Variants in CCDC150 observed in about 807,000 individuals in gnomAD.
The protein encoded by CCDC150 is coiled-coil domain-containing protein 150.
Under a neutral mutation model 156.5 loss-of-function variants are expected in CCDC150, and 151 were observed. That is an observed-to-expected ratio of 0.97 (90% CI 0.85 to 1.10). The LOEUF (loss-of-function observed/expected upper bound fraction) is 1.10, where lower values mean the gene tolerates loss of function less well. Ranked by LOEUF, CCDC150 falls within the 50% of genes least tolerant of loss-of-function variation. CCDC150 has a pLI of 0.00. For missense variants in CCDC150, 1,312 were observed against 1,268.1 expected, an observed-to-expected ratio of 1.03 and a Z score of -0.53; for synonymous variants, 452 against 429.4, an observed-to-expected ratio of 1.05 and a Z score of -0.65.
At chr2:196,703,523 C>T (rs1696382354) in intron 15 of CCDC150, among the ~76,000 whole-genome samples, 3 of 152,116 alleles carry the variant, frequency 2.0e-5, no homozygotes, top group Admixed American at 6.6e-5. Context: ...TTATCTACTT[C>T]TCATTGGGAA....
chr2:196,720,502 T>C (rs755618598), intron 19 of CCDC150, 73 bp from the exon 20 acceptor site: 12 of 1,233,128 alleles, frequency 9.7e-6, no homozygotes, highest in Non-Finnish European at 1.4e-5. Flanking sequence ...AAAAGTGTTC[T>C]GTAACTCCCA....
At chr2:196,668,295 T>TAAAAAAAAAAAA (rs55945331) in intron 7 of CCDC150, among the ~76,000 whole-genome samples, 15 of 92,244 alleles carry the variant, frequency 1.6e-4, no homozygotes, top group Non-Finnish European at 2.0e-4. Context: ...AAACTCCATC[T>TAAAAAAAAAAAA]AAAAAAAAAA....
chr2:196,692,196 G>A (rs867226116), intron 13 of CCDC150, among the ~76,000 whole-genome samples: 1 of 138,120 alleles, frequency 7.2e-6, no homozygotes, highest in Non-Finnish European at 1.5e-5. Flanking sequence ...CTGCAGTGGC[G>A]CAATCTCGGC....
intron 17 of CCDC150, among the ~76,000 whole-genome samples, chr2:196,717,831 C>CA (rs1371141952): frequency 1.3e-5 from 2 of 151,888 alleles, no homozygotes; most frequent in East Asian, 3.9e-4. Flanking sequence ...GTGGAGGTTG[C>CA]AGTGAGCCCA....
intron 26 of CCDC150, 49 bp from the exon 27 acceptor site, chr2:196,731,980 AAAAC>A: frequency 6.4e-7 from 1 of 1,569,930 alleles, no homozygotes; most frequent in Non-Finnish European, 8.7e-7. Context: ...AATACACAAA[AAAAC>A]TTGTAACTCT....
chr2:196,731,443 G>A (rs1698517968), intron 26 of CCDC150, among the ~76,000 whole-genome samples: 2 of 147,824 alleles, frequency 1.4e-5, no homozygotes, highest in South Asian at 4.3e-4. Flanking sequence ...CCAGGCTGGA[G>A]TGCATGGCAT....
intron 13 of CCDC150, among the ~76,000 whole-genome samples, chr2:196,691,643 T>G (rs1241722361): frequency 6.6e-6 from 1 of 151,968 alleles, no homozygotes; most frequent in African/African-American, 2.4e-5. Context: ...TATTTTTTTT[T>G]TTTTAAAACA....
At chr2:196,644,387 C>G (rs1692411571) in intron 1 of CCDC150, among the ~76,000 whole-genome samples, 1 of 152,148 alleles carries the variant, frequency 6.6e-6, no homozygotes, top group Admixed American at 6.5e-5. Context: ...TCCATTGTTA[C>G]CCCTCCATTT....
chr2:196,702,806 A>G (rs889411241), intron 15 of CCDC150, among the ~76,000 whole-genome samples: 7 of 151,846 alleles, frequency 4.6e-5, no homozygotes, highest in African/African-American at 1.7e-4. Context: ...AGACTGAGTA[A>G]TTTGTAAATT....
At chr2:196,682,317 A>G (rs906041286) in intron 13 of CCDC150, among the ~76,000 whole-genome samples, 1 of 152,052 alleles carries the variant, frequency 6.6e-6, no homozygotes, top group Non-Finnish European at 1.5e-5. Flanking sequence ...ATTGATCTAT[A>G]TGTCTGTCGT....
At chr2:196,690,141 C>T (rs1290569860) in intron 13 of CCDC150, among the ~76,000 whole-genome samples, 11 of 151,498 alleles carry the variant, frequency 7.3e-5, no homozygotes, top group Non-Finnish European at 1.6e-4. Flanking sequence ...AACCAAACAC[C>T]GCATATTCTC....
rs116065721 is a variant in CCDC150 at position 196,679,171 on chromosome 2, T to C, written c.1509+1810T>C. On this transcript the variant is annotated intron_variant, in intron 13 of 27. Coordinates refer to ENST00000389175, the MANE Select transcript of CCDC150 (RefSeq NM_001080539.2). ...TTTTTTAAAAAGTCAGGTTAATTGTTATAATTTACATACAGTGAAATTCAC... is the reference window on the plus strand; with the variant it reads ...TTTTTTAAAAAGTCAGGTTAATTGTCATAATTTACATACAGTGAAATTCAC... Among the ~76,000 whole-genome samples, 944 of 152,360 alleles carry C rather than the reference T, an allele frequency of 6.2e-3. 5 individuals are homozygous for C. Among genetic ancestry groups the C allele is most frequent in the African/African-American group, 0.021 (890 of 41,572 alleles).
intron 13 of CCDC150, among the ~76,000 whole-genome samples, chr2:196,682,596 G>C (rs1177812908): frequency 6.6e-6 from 1 of 151,994 alleles, no homozygotes; most frequent in Non-Finnish European, 1.5e-5. Flanking sequence ...TATATTTTCT[G>C]TATAAAGTAT....
At chr2:196,717,158 G>A (rs1008967862) in intron 17 of CCDC150, among the ~76,000 whole-genome samples, 2 of 151,934 alleles carry the variant, frequency 1.3e-5, no homozygotes, top group African/African-American at 4.8e-5. Flanking sequence ...CAAAGTGCTG[G>A]GATTACAGGG....
chr2:196,688,199 G>C (rs1392581805), intron 13 of CCDC150, among the ~76,000 whole-genome samples: 1 of 152,094 alleles, frequency 6.6e-6, no homozygotes, highest in Non-Finnish European at 1.5e-5. Flanking sequence ...TGGGCAGTAT[G>C]GCCATTTTAA....
chr2:196,720,890 T>C (rs1697839992), intron 20 of CCDC150, among the ~76,000 whole-genome samples: 1 of 152,154 alleles, frequency 6.6e-6, no homozygotes, highest in African/African-American at 2.4e-5. Context: ...CTTTGTCTTA[T>C]ATGGTCTTAT....
At chr2:196,643,167 C>T (rs1213444077) in intron 1 of CCDC150, among the ~76,000 whole-genome samples, 21 of 152,176 alleles carry the variant, frequency 1.4e-4, no homozygotes, top group Non-Finnish European at 1.5e-5. Flanking sequence ...AAGGACAACA[C>T]CATGTATTTC....
chr2:196,697,835 A>G (rs1695928143), intron 14 of CCDC150, among the ~76,000 whole-genome samples: 1 of 152,210 alleles, frequency 6.6e-6, no homozygotes, highest in African/African-American at 2.4e-5. Context: ...GATTTTAGAA[A>G]TAATTTTGTG....
At chr2:196,650,213 T>C (rs910037116) in intron 2 of CCDC150, among the ~76,000 whole-genome samples, 4 of 152,240 alleles carry the variant, frequency 2.6e-5, no homozygotes, top group African/African-American at 9.6e-5. Context: ...ATTGTTGAAT[T>C]TTGTTAAATG....
Sources: allele counts gnomAD v4.1 joint callset (sites outside exome capture counted in the v4.1 genomes callset), GRCh38; gene constraint gnomAD v4.1.1; transcripts MANE v1.5; gene names NCBI Gene and HGNC (gene_info 2026-07-23, HGNC 2026-07-21).